The following GRIK3 variants were observed in gnomAD, a reference collection of about 807,000 sequenced individuals.
The protein encoded by GRIK3 is glutamate receptor ionotropic, kainate 3.
GRIK3 carries 29 observed loss-of-function variants against 102.5 expected under a neutral mutation model. The observed-to-expected ratio is 0.28, with a 90% CI of 0.21 to 0.39. The LOEUF (loss-of-function observed/expected upper bound fraction) is 0.39. GRIK3 is among the 10% of genes least tolerant of loss of function. The probability of loss-of-function intolerance (pLI) is 1.00; values close to 1 mark genes in which losing one functional copy is unlikely to be tolerated. For missense variants in GRIK3, 908 were observed against 1,252.4 expected, an observed-to-expected ratio of 0.73 and a Z score of 4.15; for synonymous variants, 511 against 504.9, an observed-to-expected ratio of 1.01 and a Z score of -0.16.
At chr1:37,005,865 G>A (rs957721012) in intron 1 of GRIK3, among the ~76,000 whole-genome samples, 1 of 152,186 alleles carries the variant, frequency 6.6e-6, no homozygotes, top group African/African-American at 2.4e-5. Context: ...GGACACAGAG[G>A]TAGATGGGGG....
In GRIK3 at chr1:36,861,709, G is replaced by A. The variant is rs116946450; in HGVS notation, c.787-1692C>T. On this transcript the variant is annotated intron_variant, in intron 5 of 15. Coordinates refer to ENST00000373091, the MANE Select transcript of GRIK3 (RefSeq NM_000831.4). ...GTGGCCTCCTTCTGGAATGCACTGTGTTGGTTTCCTCTTCAATGATTTGGG... is the reference window on the plus strand; with the variant it reads ...GTGGCCTCCTTCTGGAATGCACTGTATTGGTTTCCTCTTCAATGATTTGGG... 1.6e-4 allele frequency among the ~76,000 whole-genome samples: 25 copies of A among 152,312 alleles called. No individual in the cohort carries two copies. The East Asian group carries it at 4.8e-3, about 29-fold the overall frequency.
intron 1 of GRIK3, among the ~76,000 whole-genome samples, chr1:37,019,238 A>G (rs1642684732): frequency 6.6e-6 from 1 of 152,228 alleles, no homozygotes; most frequent in Admixed American, 6.5e-5. Flanking sequence ...AACTGGCCAA[A>G]GTGAACCCTG....
intron 13 of GRIK3, among the ~76,000 whole-genome samples, chr1:36,809,763 G>A (rs1257396714): frequency 6.6e-6 from 1 of 152,164 alleles, no homozygotes; most frequent in Non-Finnish European, 1.5e-5. Context: ...TGGGCTCTGA[G>A]GAAAGACACA....
At chr1:36,997,643 G>C (rs1244918990) in intron 1 of GRIK3, among the ~76,000 whole-genome samples, 2 of 152,164 alleles carry the variant, frequency 1.3e-5, no homozygotes, top group African/African-American at 4.8e-5. Flanking sequence ...GGAAAGTGAG[G>C]GTGGCCAGGC....
chr1:36,981,556 A>T (rs1460683111), intron 1 of GRIK3, among the ~76,000 whole-genome samples: 1 of 152,120 alleles, frequency 6.6e-6, no homozygotes, highest in Non-Finnish European at 1.5e-5. Flanking sequence ...AGTCCTGGAG[A>T]GAAGAATTTG....
chr1:37,016,008 C>T (rs538267689), intron 1 of GRIK3, among the ~76,000 whole-genome samples: 95 of 152,370 alleles, frequency 6.2e-4, no homozygotes, highest in Admixed American at 1.2e-3. Context: ...GTTAACTGAA[C>T]TCTGGGTAAT....
intron 1 of GRIK3, among the ~76,000 whole-genome samples, chr1:36,906,343 C>T (rs1641284208): frequency 6.7e-6 from 1 of 149,170 alleles, no homozygotes; most frequent in Non-Finnish European, 1.5e-5. Flanking sequence ...CTCCGAGACT[C>T]AGTTTCTCCA....
chr1:36,805,344 C>T, intron 14 of GRIK3, 107 bp from the exon 15 acceptor site: 1 of 1,179,798 alleles, frequency 8.5e-7, no homozygotes, highest in Non-Finnish European at 1.2e-6. Flanking sequence ...TCTGGATCAG[C>T]TCATGAAAGG....
chr1:37,032,540 G>A (rs2124096609), intron 1 of GRIK3, among the ~76,000 whole-genome samples: 1 of 152,236 alleles, frequency 6.6e-6, no homozygotes, highest in South Asian at 2.1e-4. Context: ...CTGGGCTTGG[G>A]GCAGGCAAAG....
chr1:36,878,339 T>C (rs561533155), intron 3 of GRIK3, among the ~76,000 whole-genome samples: 1 of 152,240 alleles, frequency 6.6e-6, no homozygotes, highest in Non-Finnish European at 1.5e-5. Context: ...GGATCCCTGC[T>C]CTCAAGGATC....
At chr1:36,890,462 T>TAA (rs767944137) in intron 2 of GRIK3, among the ~76,000 whole-genome samples, 1 of 136,106 alleles carries the variant, frequency 7.3e-6, no homozygotes, top group Non-Finnish European at 1.6e-5. Flanking sequence ...AGACTCTGTC[T>TAA]AAAAAAAAAA....
At chr1:36,829,992 A>G (rs1484536938) in intron 10 of GRIK3, among the ~76,000 whole-genome samples, 1 of 151,714 alleles carries the variant, frequency 6.6e-6, no homozygotes, top group Non-Finnish European at 1.5e-5. Context: ...CTGGCCTCTG[A>G]CTCCCAGCTT....
rs1485728433 is a variant in GRIK3 at position 37,034,244 on chromosome 1, G to C, written c.-136C>G. 6.2e-5 allele frequency: 10 copies of C among 161,844 alleles called. 1 individual carries two copies. The South Asian group carries it at 1.4e-3, about 22-fold the overall frequency. The allele number at this position is 161,844 out of a possible 1,614,324, so 10.0% of individuals were successfully genotyped here. On this transcript the variant is annotated 5_prime_UTR_variant, in exon 1 of 16. Transcript: ENST00000373091. ...CCGGCTCCCGAGCGCCGCTGCAAGT[G>C]GGGGGCGCCCCGCGGCGCCGCGCAC...
intron 1 of GRIK3, among the ~76,000 whole-genome samples, chr1:37,021,679 C>T (rs548463036): frequency 6.6e-6 from 1 of 152,324 alleles, no homozygotes; most frequent in African/African-American, 2.4e-5. Context: ...TCTTTCTGCT[C>T]ATGATGTGTC....
chr1:36,990,971 G>A (rs1251948604), intron 1 of GRIK3, among the ~76,000 whole-genome samples: 1 of 152,144 alleles, frequency 6.6e-6, no homozygotes, highest in African/African-American at 2.4e-5. Context: ...TGGCTTCAGG[G>A]CCCCACCCCA....
intron 2 of GRIK3, 123 bp from the exon 3 acceptor site, chr1:36,881,014 A>G: frequency 9.9e-7 from 1 of 1,007,780 alleles, no homozygotes; most frequent in Non-Finnish European, 1.4e-6. Context: ...TGGGTGCACA[A>G]TGGATGAGCT....
chr1:36,825,067 T>C (rs763731844), intron 11 of GRIK3, among the ~76,000 whole-genome samples: 9 of 152,218 alleles, frequency 5.9e-5, no homozygotes, highest in Non-Finnish European at 1.0e-4. Context: ...GTCTACTTTA[T>C]GTGAACAACC....
chr1:36,854,920 A>C (rs1640633372), intron 7 of GRIK3, among the ~76,000 whole-genome samples: 2 of 152,326 alleles, frequency 1.3e-5, no homozygotes, highest in African/African-American at 4.8e-5. Context: ...AGAGTGAACA[A>C]GAGGCAGAGC....
intron 15 of GRIK3, among the ~76,000 whole-genome samples, chr1:36,803,565 G>C (rs929887193): frequency 2.6e-5 from 4 of 152,062 alleles, no homozygotes; most frequent in Non-Finnish European, 5.9e-5. Context: ...TGAGTAGCTG[G>C]GACTACAGGT....
Sources: allele counts gnomAD v4.1 joint callset (sites outside exome capture counted in the v4.1 genomes callset), GRCh38; gene constraint gnomAD v4.1.1; transcripts MANE v1.5; gene names NCBI Gene and HGNC (gene_info 2026-07-23, HGNC 2026-07-21).